DSCAM: variants seen among roughly 807,000 people sequenced by gnomAD.
DSCAM encodes DS cell adhesion molecule.
Under a neutral mutation model 217.7 loss-of-function variants are expected in DSCAM, and 47 were observed. That is an observed-to-expected ratio of 0.22 (90% CI 0.17 to 0.28). The LOEUF (loss-of-function observed/expected upper bound fraction) is 0.28. Among genes scored for constraint, DSCAM ranks in the 10% least tolerant of loss-of-function variants. DSCAM has a pLI of 1.00. For missense variants in DSCAM, 2,080 were observed against 2,618.3 expected (o/e 0.79, Z 4.49); for synonymous variants, 1,056 against 1,015.3 (o/e 1.04, Z -0.76).
At chr21:40,609,968 G>A (rs1453607362) in intron 3 of DSCAM, among the ~76,000 whole-genome samples, 9 of 152,156 alleles carry the variant, frequency 5.9e-5, no homozygotes, top group Non-Finnish European at 1.2e-4. Context: ...CACAGTTCAC[G>A]TGGGATTAAT....
intron 3 of DSCAM, among the ~76,000 whole-genome samples, chr21:40,519,104 A>G (rs2076338498): frequency 6.6e-6 from 1 of 152,156 alleles, no homozygotes; most frequent in African/African-American, 2.4e-5. Context: ...AAATGTCACT[A>G]TGTGGTACAT....
At position 40,620,312 on chromosome 21, in the gene DSCAM, GAGAA is replaced by G. The variant is rs1189790130; in HGVS notation, c.508+72494_508+72497del. 1.8e-4 allele frequency among the ~76,000 whole-genome samples: 25 copies of G among 136,588 alleles called. 2 individuals carry two copies. The highest frequency in any genetic ancestry group is 5.0e-4 in the African/African-American group (18 of 35,930). The allele number at this position is 136,588 out of a possible 152,430, so 89.6% of individuals were successfully genotyped here. On this transcript the variant is annotated intron_variant, in intron 3 of 32. Coordinates refer to ENST00000400454, the MANE Select transcript of DSCAM (RefSeq NM_001389.5). ...GAGAAAAAAGAAAAAGAAAGAGAGA[GAGAA>G]AGAGAGAGAAAAAAGAAAAAGAAAG...
chr21:40,429,657 C>T (rs563954055), intron 3 of DSCAM, among the ~76,000 whole-genome samples: 28 of 152,318 alleles, frequency 1.8e-4, no homozygotes, highest in Non-Finnish European at 3.1e-4. Context: ...AGTTGTTAAA[C>T]GCCCTTGTAC....
At chr21:40,662,530 G>T (rs1412826152) in intron 3 of DSCAM, among the ~76,000 whole-genome samples, 1 of 152,172 alleles carries the variant, frequency 6.6e-6, no homozygotes, top group African/African-American at 2.4e-5. Context: ...TCAAAGTTTT[G>T]CTTTATGCCA....
intron 3 of DSCAM, among the ~76,000 whole-genome samples, chr21:40,673,952 A>T (rs1189563946): frequency 2.6e-5 from 4 of 152,216 alleles, no homozygotes; most frequent in Non-Finnish European, 5.9e-5. Flanking sequence ...GCAATGTGAG[A>T]ATGGACTAAT....
intron 32 of DSCAM, among the ~76,000 whole-genome samples, chr21:40,017,103 CAAAAAA>C (rs372118440): frequency 2.8e-4 from 24 of 86,226 alleles, no homozygotes; most frequent in Middle Eastern, 7.4e-3. Flanking sequence ...AACTCCATCT[CAAAAAA>C]AAAAAAAAAA....
chr21:40,512,397 C>A (rs924049349), intron 3 of DSCAM, among the ~76,000 whole-genome samples: 1 of 152,076 alleles, frequency 6.6e-6, no homozygotes. Context: ...TATTACTTCA[C>A]GTCATTGGAA....
intron 3 of DSCAM, among the ~76,000 whole-genome samples, chr21:40,663,286 T>C (rs58837945): frequency 0.043 from 6,460 of 149,780 alleles, 387 homozygotes; most frequent in African/African-American, 0.13. Flanking sequence ...TGTATATGTG[T>C]GTGTGTGTGG....
chr21:40,040,806 G>A (rs912902991), intron 32 of DSCAM, among the ~76,000 whole-genome samples: 7 of 152,234 alleles, frequency 4.6e-5, no homozygotes, highest in African/African-American at 1.2e-4. Context: ...TATACAACAT[G>A]CCCACAGGCT....
At chr21:40,767,315 C>T (rs1213707434) in intron 1 of DSCAM, among the ~76,000 whole-genome samples, 2 of 152,020 alleles carry the variant, frequency 1.3e-5, no homozygotes, top group Admixed American at 6.6e-5. Context: ...GAATTGGTGA[C>T]GTGAGAATTG....
chr21:40,323,455 T>C (rs1160855760), intron 8 of DSCAM, among the ~76,000 whole-genome samples: 7 of 152,300 alleles, frequency 4.6e-5, no homozygotes, highest in Admixed American at 3.9e-4. Flanking sequence ...CTTTCAAATA[T>C]ACCCCTCTAT....
At chr21:40,363,040 C>A (rs369876497) in intron 4 of DSCAM, among the ~76,000 whole-genome samples, 2 of 152,170 alleles carry the variant, frequency 1.3e-5, no homozygotes, top group East Asian at 3.9e-4. Context: ...TTCAGACTCA[C>A]CTCAGACATT....
At chr21:40,336,024 A>G (rs112068080) in intron 8 of DSCAM, among the ~76,000 whole-genome samples, 293 of 152,304 alleles carry the variant, frequency 1.9e-3, no homozygotes, top group African/African-American at 6.7e-3. Flanking sequence ...ACGAAGCAGG[A>G]AACATAACAG....
rs190383236 is a variant in DSCAM at position 40,144,757 on chromosome 21, T to A, written c.3019-26A>T. On this transcript the variant is annotated intron_variant, in intron 16 of 32. Transcript: ENST00000400454. This position sits in a 1 kb window ranked among gnomAD's most constrained non-coding sequence, Gnocchi z 4.8. ...CTAAACAGGAGAGAAAAGAACACACTAAAGAAGTCTTGAGGTAGGACAAGA... is the reference window on the plus strand; with the variant it reads ...CTAAACAGGAGAGAAAAGAACACACAAAAGAAGTCTTGAGGTAGGACAAGA... 270 of 1,613,242 alleles carry A rather than the reference T, an allele frequency of 1.7e-4. No individual in the cohort carries two copies. The African/African-American group carries it at 3.1e-3, about 19-fold the overall frequency.
intron 11 of DSCAM, among the ~76,000 whole-genome samples, chr21:40,221,715 C>T (rs573378859): frequency 7.8e-4 from 119 of 152,242 alleles, no homozygotes; most frequent in Non-Finnish European, 1.2e-3. Context: ...GGCAGTGGCA[C>T]CAAACTCTTC....
chr21:40,373,294 G>A (rs2123707812), intron 3 of DSCAM, among the ~76,000 whole-genome samples: 1 of 152,306 alleles, frequency 6.6e-6, no homozygotes, highest in East Asian at 1.9e-4. Context: ...CTAGAAACCA[G>A]CAGGTGTTAT....
intron 3 of DSCAM, among the ~76,000 whole-genome samples, chr21:40,388,365 G>T (rs891444099): frequency 3.3e-5 from 5 of 152,146 alleles, no homozygotes; most frequent in Admixed American, 3.3e-4. Flanking sequence ...TTGCATTTCA[G>T]ATGGGAGGGA....
chr21:40,410,380 T>G (rs1004412489), intron 3 of DSCAM, among the ~76,000 whole-genome samples: 1 of 151,772 alleles, frequency 6.6e-6, no homozygotes, highest in Non-Finnish European at 1.5e-5. Context: ...TCAAGCAGTA[T>G]AGAATATGTG....
At chr21:40,231,107 A>T (rs116877439) in intron 11 of DSCAM, among the ~76,000 whole-genome samples, 9,132 of 148,480 alleles carry the variant, frequency 0.062, 383 homozygotes, top group Middle Eastern at 0.12. Flanking sequence ...AAATTTCAGA[A>T]TGTGGTTCTG....
Sources: gnomAD v4.1 joint callset for allele counts (sites outside exome capture counted in the v4.1 genomes callset) on GRCh38, gnomAD v4.1.1 for gene constraint, Gnocchi (gnomAD v3.1) non-coding constraint, MANE v1.5 for transcripts, NCBI Gene and HGNC (gene_info 2026-07-23, HGNC 2026-07-21) for gene names.